Variants in DOCK5 observed in about 807,000 individuals in gnomAD.
The protein encoded by DOCK5 is dedicator of cytokinesis protein 5.
In DOCK5, 142 loss-of-function variants were observed where a neutral mutation model predicts 251.8. The ratio of observed to expected loss-of-function variants is 0.56; its 90% CI spans 0.49 to 0.65. The LOEUF (loss-of-function observed/expected upper bound fraction) is 0.65, where lower values mean the gene tolerates loss of function less well. Ranked by LOEUF, DOCK5 falls within the 30% of genes least tolerant of loss-of-function variation. The probability of loss-of-function intolerance (pLI) is 0.00; values close to 1 mark genes in which losing one functional copy is unlikely to be tolerated. For synonymous variants in DOCK5, 842 were observed against 835.5 expected (o/e 1.01, Z -0.13); for missense variants, 2,111 against 2,312.3 (o/e 0.91, Z 1.79).
rs1335384355 is a variant in DOCK5 at position 25,401,081 on chromosome 8, A to G, written c.4926+15A>G. ...TTATAACACTGGTAAGCATGATCTA[A>G]GTAGCCTTCACACCTTTTTCTAGGC... On this transcript the variant is annotated intron_variant, in intron 47 of 51. Transcript: ENST00000276440. The G allele has an allele frequency of 2.5e-6, 4 of 1,613,208 alleles. No homozygotes were observed. In the South Asian group the frequency reaches 3.3e-5, roughly 13 times the overall value.
intron 39 of DOCK5, 24 bp from the exon 40 acceptor site, chr8:25,382,650 G>T (rs745492636): frequency 8.9e-6 from 14 of 1,568,152 alleles, no homozygotes; most frequent in Non-Finnish European, 1.2e-5. Context: ...ACCTCCCCTT[G>T]GAATGTCTTG....
intron 20 of DOCK5, among the ~76,000 whole-genome samples, chr8:25,332,939 G>T (rs941501127): frequency 6.6e-6 from 1 of 152,118 alleles, no homozygotes; most frequent in Non-Finnish European, 1.5e-5. Context: ...AAGATAAGAT[G>T]TTTTATTTTT....
chr8:25,404,031 A>G (rs1022752381), intron 48 of DOCK5, among the ~76,000 whole-genome samples: 3 of 152,194 alleles, frequency 2.0e-5, no homozygotes, highest in Admixed American at 1.3e-4. Context: ...ATCACATGGC[A>G]TGAAATTCCA....
Position 25,292,107 on chromosome 8 carries a change from G to T in DOCK5, c.405G>T (p.Thr135=), listed in dbSNP as rs771880607. 3.1e-6 allele frequency: 5 copies of T among 1,588,776 alleles called. No homozygotes were observed. The South Asian group carries it at 5.7e-5, about 18-fold the overall frequency. Residue 135 remains threonine, a synonymous_variant, in exon 6 of 52, where the codon ACG becomes ACT. Coordinates refer to ENST00000276440, the MANE Select transcript of DOCK5 (RefSeq NM_024940.8). ...IEWRSQILSG[T]LPKDELAELK... ...GGCGGTCCCAGATCCTGTCTGGGAC[G>T]CTCCCCAAGGATGAACTGGCAGAGC...
chr8:25,264,360 A>G (rs1232834035), intron 2 of DOCK5, among the ~76,000 whole-genome samples: 1 of 151,462 alleles, frequency 6.6e-6, no homozygotes, highest in Non-Finnish European at 1.5e-5. Flanking sequence ...ACAGAGTGAG[A>G]TCCTGCCACA....
chr8:25,265,881 A>G (rs1046221105), intron 2 of DOCK5, among the ~76,000 whole-genome samples: 1 of 151,860 alleles, frequency 6.6e-6, no homozygotes, highest in Non-Finnish European at 1.5e-5. Context: ...TGACAGTGGA[A>G]TTAGCAACTC....
At chr8:25,189,042 C>CTTTT (rs1432735816) in intron 1 of DOCK5, among the ~76,000 whole-genome samples, 139 of 97,612 alleles carry the variant, frequency 1.4e-3, no homozygotes, top group African/African-American at 2.9e-3. Flanking sequence ...TTCTTTCTTT[C>CTTTT]TTTCTTTTTT....
At chr8:25,373,375 C>G (rs77158899) in intron 35 of DOCK5, among the ~76,000 whole-genome samples, 1 of 152,128 alleles carries the variant, frequency 6.6e-6, no homozygotes, top group East Asian at 1.9e-4. Flanking sequence ...AAAATGTAGT[C>G]TTTTATCCCT....
intron 26 of DOCK5, among the ~76,000 whole-genome samples, chr8:25,351,214 C>A (rs537223752): frequency 2.0e-5 from 3 of 152,232 alleles, no homozygotes; most frequent in Admixed American, 2.0e-4. Flanking sequence ...CCCGCCACCA[C>A]GCCCGGCTAA....
At chr8:25,199,767 A>G (rs1221738109) in intron 1 of DOCK5, among the ~76,000 whole-genome samples, 1 of 152,190 alleles carries the variant, frequency 6.6e-6, no homozygotes, top group Non-Finnish European at 1.5e-5. Flanking sequence ...AGAGACAATC[A>G]CTGTCATTCT....
intron 20 of DOCK5, 85 bp downstream of exon 20, chr8:25,332,777 T>G: frequency 5.2e-6 from 5 of 970,764 alleles, no homozygotes; most frequent in East Asian, 2.7e-5. Flanking sequence ...ATTGTGTGAA[T>G]ATCTTCTCAC....
At chr8:25,337,218 G>A (rs1298201503) in intron 22 of DOCK5, among the ~76,000 whole-genome samples, 1 of 151,956 alleles carries the variant, frequency 6.6e-6, no homozygotes, top group Non-Finnish European at 1.5e-5. Context: ...ACTATCAAAA[G>A]AATTTTGATA....
intron 1 of DOCK5, among the ~76,000 whole-genome samples, chr8:25,208,059 A>G (rs1192272336): frequency 6.6e-6 from 1 of 152,230 alleles, no homozygotes; most frequent in Non-Finnish European, 1.5e-5. Flanking sequence ...TCAAAACTTC[A>G]GTGAAGGATG....
Position 25,226,332 on chromosome 8 carries a change from G to A in DOCK5, c.44-17342G>A, listed in dbSNP as rs189164773. On this transcript the variant is annotated intron_variant, in intron 1 of 51. Coordinates refer to ENST00000276440, the MANE Select transcript of DOCK5 (RefSeq NM_024940.8). ...GCTGGAGTGCAGGTGGCATGATCTTGGCTCACTGCAACCTCCATCTCCCAG... is the reference window on the plus strand; with the variant it reads ...GCTGGAGTGCAGGTGGCATGATCTTAGCTCACTGCAACCTCCATCTCCCAG... 5.3e-3 allele frequency among the ~76,000 whole-genome samples: 691 copies of A among 129,892 alleles called. 1 individual carries two copies. The Middle Eastern group carries it at 0.063, about 12-fold the overall frequency. The allele number at this position is 129,892 out of a possible 152,430, so 85.2% of individuals were successfully genotyped here.
rs113940021 is a variant in DOCK5, at chr8:25,390,305, TAA to T, written c.4355+31_4355+32del. ...ATCTTAAAGTAAGTGGTTTTTCATTTAAAAAAAAAAAAAATCTGTGTCTAGGC... is the reference window on the plus strand; with the variant it reads ...ATCTTAAAGTAAGTGGTTTTTCATTTAAAAAAAAAAAATCTGTGTCTAGGC... On this transcript the variant is annotated intron_variant, in intron 42 of 51. Coordinates refer to ENST00000276440, the MANE Select transcript of DOCK5 (RefSeq NM_024940.8). The T allele has an allele frequency of 0.024, 32,278 of 1,326,386 alleles. No individual in the cohort carries two copies. Among genetic ancestry groups the T allele is most frequent in the South Asian group, 0.031 (2,235 of 71,072 alleles). The allele number at this position is 1,326,386 out of a possible 1,614,324, so 82.2% of individuals were successfully genotyped here.
intron 40 of DOCK5, among the ~76,000 whole-genome samples, chr8:25,384,462 T>A (rs1801126918): frequency 2.2e-5 from 1 of 45,562 alleles, no homozygotes; most frequent in Non-Finnish European, 4.7e-5. Context: ...TTTATTTATT[T>A]ATTTTTTTTT....
rs1175008118 is a variant in DOCK5, at chr8:25,325,513, C to T, written c.1869C>T (p.Ala623=). Residue 623 remains alanine, a synonymous_variant, in exon 18 of 52, where the codon GCC becomes GCT. Coordinates refer to ENST00000276440, the MANE Select transcript of DOCK5 (RefSeq NM_024940.8). ...KDSTKDSFQI[A]TLICSTKLTQ... ...GCACTAAAGACAGCTTTCAGATTGC[C>T]ACCCTCATCTGCTCCACAAAGCTCA... 1.2e-6 allele frequency: 2 copies of T among 1,613,648 alleles called. No individual in the cohort carries two copies. Among genetic ancestry groups the T allele is most frequent in the East Asian group, 2.2e-5 (1 of 44,876 alleles).
chr8:25,283,470 A>G (rs1586293276), intron 5 of DOCK5, among the ~76,000 whole-genome samples: 1 of 152,314 alleles, frequency 6.6e-6, no homozygotes, highest in East Asian at 1.9e-4. Flanking sequence ...TTGACCGCGT[A>G]GAACTCTGAG....
At chr8:25,383,222 T>C (rs1801102140) in intron 40 of DOCK5, among the ~76,000 whole-genome samples, 1 of 152,198 alleles carries the variant, frequency 6.6e-6, no homozygotes, top group Non-Finnish European at 1.5e-5. Flanking sequence ...CTCAAAATTG[T>C]GTATAATGCG....
Sources: gnomAD v4.1 joint callset for allele counts (sites outside exome capture counted in the v4.1 genomes callset) on GRCh38, gnomAD v4.1.1 for gene constraint, MANE v1.5 for transcripts, NCBI Gene and HGNC (gene_info 2026-07-23, HGNC 2026-07-21) for gene names.